PPP1R12B: variants seen among roughly 807,000 people sequenced by gnomAD.
The protein encoded by PPP1R12B is myosin phosphatase target subunit 2.
A neutral mutation model predicts 126.1 loss-of-function variants in PPP1R12B; 76 were observed. That is an observed-to-expected ratio of 0.60 (90% CI 0.50 to 0.73). The LOEUF (loss-of-function observed/expected upper bound fraction) is 0.73, where lower values mean the gene tolerates loss of function less well. PPP1R12B is among the 30% of genes least tolerant of loss of function. PPP1R12B has a pLI of 0.00. For synonymous variants in PPP1R12B, 356 were observed against 434.7 expected (o/e 0.82, Z 2.25); for missense variants, 1,052 against 1,205.1 (o/e 0.87, Z 1.88).
intron 1 of PPP1R12B, among the ~76,000 whole-genome samples, chr1:202,379,766 C>A (rs1162251376): frequency 1.3e-5 from 2 of 152,124 alleles, no homozygotes; most frequent in East Asian, 1.9e-4. Context: ...AAAAAACAAT[C>A]CATCATTGGC....
intron 10 of PPP1R12B, 101 bp downstream of exon 10, chr1:202,438,125 G>A: frequency 6.3e-7 from 1 of 1,577,610 alleles, no homozygotes. Context: ...TCCTTAAGTT[G>A]ATTTTGGAAA....
At chr1:202,409,502 A>G (rs1450595120) in intron 1 of PPP1R12B, among the ~76,000 whole-genome samples, 2 of 151,580 alleles carry the variant, frequency 1.3e-5, no homozygotes, top group Non-Finnish European at 2.9e-5. Context: ...TTTGTATTTT[A>G]GTAGAGACAG....
At chr1:202,545,382 G>C (rs1685545158) in intron 18 of PPP1R12B, among the ~76,000 whole-genome samples, 1 of 152,238 alleles carries the variant, frequency 6.6e-6, no homozygotes, top group Non-Finnish European at 1.5e-5. Context: ...AGAGCTGGGG[G>C]AGATGGCATC....
At chr1:202,505,768 A>AT (rs1680738525) in intron 18 of PPP1R12B, among the ~76,000 whole-genome samples, 1 of 152,062 alleles carries the variant, frequency 6.6e-6, no homozygotes, top group Admixed American at 6.6e-5. Context: ...ACCAAAATCT[A>AT]TTTTTTAAGC....
intron 12 of PPP1R12B, chr1:202,448,318 T>C (rs1368810775): frequency 6.6e-6 from 1 of 152,252 alleles, no homozygotes; most frequent in African/African-American, 2.4e-5. Context: ...AGCTTGCTGT[T>C]GAAAAGTCTG....
At position 202,495,564 on chromosome 1, in the gene PPP1R12B, G is replaced by T; in HGVS notation, c.2336-6G>T. The stretch of plus-strand genomic sequence containing the variant: ...AAAGTTCATACTTTATTTTATCTCT[G>T]GCCAGAGAATGAAGAAGCAGATTTG... On this transcript the variant is annotated splice_polypyrimidine_tract_variant and splice_region_variant and intron_variant, in intron 16 of 23. Coordinates refer to ENST00000608999, the MANE Select transcript of PPP1R12B (RefSeq NM_002481.4). The T allele has an allele frequency of 5.0e-6, 8 of 1,613,824 alleles. No homozygotes were observed. Among genetic ancestry groups the T allele is most frequent in the Non-Finnish European group, 6.8e-6 (8 of 1,179,802 alleles).
At chr1:202,406,056 C>G (rs1666558838) in intron 1 of PPP1R12B, among the ~76,000 whole-genome samples, 3 of 152,206 alleles carry the variant, frequency 2.0e-5, no homozygotes, top group Non-Finnish European at 2.9e-5. Context: ...TGTCTTCCTT[C>G]TTTTCCCCAG....
chr1:202,384,346 A>G (rs1466344764), intron 1 of PPP1R12B, among the ~76,000 whole-genome samples: 1 of 152,264 alleles, frequency 6.6e-6, no homozygotes, highest in African/African-American at 2.4e-5. Context: ...TAGTATAGCT[A>G]TAAAATGAAA....
At chr1:202,504,117 G>A (rs1160257797) in intron 18 of PPP1R12B, among the ~76,000 whole-genome samples, 3 of 152,074 alleles carry the variant, frequency 2.0e-5, no homozygotes, top group East Asian at 3.9e-4. Flanking sequence ...TCTTGAGGCC[G>A]GCCGTAGTGG....
At position 202,508,496 on chromosome 1, in the gene PPP1R12B, G is replaced by A. The variant is rs1281823236; in HGVS notation, c.2490+11674G>A. 6.6e-6 allele frequency among the ~76,000 whole-genome samples: 1 copy of A among 152,130 alleles called. No homozygotes were observed. The highest frequency in any genetic ancestry group is 1.5e-5 in the Non-Finnish European group (1 of 68,024). On this transcript the variant is annotated intron_variant, in intron 18 of 23. Coordinates refer to ENST00000608999, the MANE Select transcript of PPP1R12B (RefSeq NM_002481.4). This position sits in a 1 kb window ranked among gnomAD's most constrained non-coding sequence, Gnocchi z 4.5. ...AATACAAGTACTTATTATGGTCTTG[G>A]AGCTTATAGCTCTTGTTATGTTTCT...
At chr1:202,578,706 T>C (rs934515769) in intron 23 of PPP1R12B, among the ~76,000 whole-genome samples, 7 of 152,224 alleles carry the variant, frequency 4.6e-5, no homozygotes, top group Non-Finnish European at 8.8e-5. Context: ...ATTATGTATG[T>C]CAACACACTT....
rs1675586314 is a variant in PPP1R12B, at chr1:202,469,798, TAAATC to T, written c.1851-18734_1851-18730del. 3.3e-5 allele frequency among the ~76,000 whole-genome samples: 5 copies of T among 152,356 alleles called. No homozygotes were observed. The South Asian group carries it at 1.0e-3, about 32-fold the overall frequency. ...TTATTTTAGAGGCTTTCTCTGAAGA[TAAATC>T]TAATTTAGGTCTTTTAGGGAGTTCT... is the stretch of plus-strand genomic sequence containing the variant. On this transcript the variant is annotated intron_variant, in intron 13 of 23. Coordinates refer to ENST00000608999, the MANE Select transcript of PPP1R12B (RefSeq NM_002481.4).
intron 13 of PPP1R12B, among the ~76,000 whole-genome samples, chr1:202,465,140 C>A (rs1674812195): frequency 6.6e-6 from 1 of 152,138 alleles, no homozygotes; most frequent in Non-Finnish European, 1.5e-5. Flanking sequence ...TCTTAATTCA[C>A]GTAAGAGAAT....
intron 18 of PPP1R12B, among the ~76,000 whole-genome samples, chr1:202,537,110 A>G (rs1286746064): frequency 6.6e-6 from 1 of 152,226 alleles, no homozygotes; most frequent in Admixed American, 6.5e-5. Context: ...GCACCTTGGG[A>G]GGCTGAGACG....
intron 18 of PPP1R12B, among the ~76,000 whole-genome samples, chr1:202,550,055 T>G (rs186453717): frequency 6.6e-6 from 1 of 152,318 alleles, no homozygotes; most frequent in African/African-American, 2.4e-5. Context: ...TGCTAGTATA[T>G]TGGTCACTCC....
intron 19 of PPP1R12B, among the ~76,000 whole-genome samples, chr1:202,559,564 TA>T (rs1186979298): frequency 6.6e-6 from 1 of 152,150 alleles, no homozygotes; most frequent in Non-Finnish European, 1.5e-5. Context: ...AGAAACTAAA[TA>T]AAAAATAATA....
chr1:202,558,860 T>C lies in PPP1R12B; in HGVS notation c.2491-17T>C. ...CTTTTTTCTTTTTTTGTTTTTGTTTTTGTCTCCTTTCTCTAGCATGAAAGA... is the reference window on the plus strand; with the variant it reads ...CTTTTTTCTTTTTTTGTTTTTGTTTCTGTCTCCTTTCTCTAGCATGAAAGA... On this transcript the variant is annotated splice_polypyrimidine_tract_variant and intron_variant, in intron 18 of 23. Transcript: ENST00000608999. The C allele has an allele frequency of 6.6e-7, 1 of 1,518,262 alleles. No individual in the cohort carries two copies. Among genetic ancestry groups the C allele is most frequent in the Non-Finnish European group, 9.1e-7 (1 of 1,103,076 alleles). 94.0% of individuals were successfully genotyped at this position (1,518,262 alleles called of 1,614,324 possible).
chr1:202,447,347 A>C (rs1016470756), intron 12 of PPP1R12B, among the ~76,000 whole-genome samples: 2 of 152,232 alleles, frequency 1.3e-5, no homozygotes, highest in African/African-American at 4.8e-5. Context: ...TCAGATTTGT[A>C]CATTTCAAAG....
At chr1:202,381,342 C>A (rs1312623633) in intron 1 of PPP1R12B, among the ~76,000 whole-genome samples, 1 of 150,580 alleles carries the variant, frequency 6.6e-6, no homozygotes, top group Non-Finnish European at 1.5e-5. Context: ...ATCTAGATAT[C>A]TGAGTATTTT....
Sources: gnomAD v4.1 joint callset for allele counts (sites outside exome capture counted in the v4.1 genomes callset) on GRCh38, gnomAD v4.1.1 for gene constraint, Gnocchi (gnomAD v3.1) non-coding constraint, MANE v1.5 for transcripts, NCBI Gene and HGNC (gene_info 2026-07-23, HGNC 2026-07-21) for gene names.